Variants in MMP15 observed in about 807,000 individuals in gnomAD.
The protein encoded by MMP15 is matrix metallopeptidase 15, also known as matrix metalloproteinase-15.
MMP15 carries 36 observed loss-of-function variants against 65.0 expected under a neutral mutation model. The observed-to-expected ratio is 0.55, with a 90% CI of 0.42 to 0.73. The LOEUF (loss-of-function observed/expected upper bound fraction) is 0.73, where lower values mean the gene tolerates loss of function less well. MMP15 is among the 30% of genes least tolerant of loss of function. The probability of loss-of-function intolerance (pLI) is 0.00; values close to 1 mark genes in which losing one functional copy is unlikely to be tolerated. For synonymous variants in MMP15, 428 were observed against 410.2 expected (o/e 1.04, Z -0.52); for missense variants, 870 against 987.8 (o/e 0.88, Z 1.60).
chr16:58,028,429 G>A (rs1450973824), intron 1 of MMP15, among the ~76,000 whole-genome samples: 3 of 152,216 alleles, frequency 2.0e-5, no homozygotes, highest in African/African-American at 7.2e-5. Flanking sequence ...GAGACAGGTG[G>A]AGTGTCCCAG....
intron 1 of MMP15, among the ~76,000 whole-genome samples, chr16:58,034,505 C>T (rs1331917551): frequency 2.0e-5 from 3 of 152,178 alleles, no homozygotes; most frequent in Non-Finnish European, 4.4e-5. Context: ...TGCTGCCACC[C>T]GGGCAGATTT....
intron 1 of MMP15, among the ~76,000 whole-genome samples, chr16:58,032,416 G>T (rs896674066): frequency 1.3e-5 from 2 of 152,214 alleles, no homozygotes; most frequent in African/African-American, 4.8e-5. Context: ...GCTGTCCAGA[G>T]AGAGAATGGG....
intron 1 of MMP15, among the ~76,000 whole-genome samples, chr16:58,027,103 T>C (rs1225514576): frequency 1.3e-5 from 2 of 152,218 alleles, no homozygotes; most frequent in Non-Finnish European, 2.9e-5. Flanking sequence ...TTTGGCGACT[T>C]TCTGCGCTTT....
Position 58,045,105 on chromosome 16 carries a change from A to C in MMP15, c.1669A>C (p.Met557Leu). Reference protein sequence around the residue: ...GYPKSILRDFMGCQEHVEPGP... With the variant: ...GYPKSILRDFLGCQEHVEPGP... ...CCCCAAGTCCATCCTGCGGGACTTCATGGGCTGCCAGGAGCACGTGGAGCC... is the reference window on the plus strand; with the variant it reads ...CCCCAAGTCCATCCTGCGGGACTTCCTGGGCTGCCAGGAGCACGTGGAGCC... Residue 557 changes from methionine (M) to leucine (L), a missense_variant, in exon 10 of 10, where the codon ATG becomes CTG. Transcript: ENST00000219271. 1 of 1,610,696 alleles carries C rather than the reference A, an allele frequency of 6.2e-7. No individual in the cohort carries two copies. Among genetic ancestry groups the C allele is most frequent in the Non-Finnish European group, 8.5e-7 (1 of 1,178,688 alleles).
chr16:58,041,242 C>T (rs540261044), intron 5 of MMP15, among the ~76,000 whole-genome samples: 40 of 152,314 alleles, frequency 2.6e-4, no homozygotes, highest in African/African-American at 8.7e-4. Flanking sequence ...CAGCTCCTGC[C>T]GTGCTGGGCA....
chr16:58,033,124 A>G (rs1270547530), intron 1 of MMP15, among the ~76,000 whole-genome samples: 1 of 151,770 alleles, frequency 6.6e-6, no homozygotes, highest in East Asian at 1.9e-4. Context: ...TCTTACACCA[A>G]CCCTCTCAGC....
rs1361432581 is a variant in MMP15 at position 58,026,458 on chromosome 16, T to TCTGGGCTGC, written c.115_123dup (p.Cys39_Gly41dup). ...GACTGCTGCCGCTGCTCCTGGTGCT[T>TCTGGGCTGC]CTGGGCTGCCTGGGCCTTGGCGTAG... On this transcript the variant is annotated inframe_insertion, in exon 1 of 10. Coordinates refer to ENST00000219271, the MANE Select transcript of MMP15 (RefSeq NM_002428.4). The TCTGGGCTGC allele has an allele frequency of 1.5e-5, 21 of 1,443,894 alleles. No homozygotes were observed. The highest frequency in any genetic ancestry group is 1.8e-5 in the Non-Finnish European group (20 of 1,099,934). The allele number at this position is 1,443,894 out of a possible 1,614,324, so 89.4% of individuals were successfully genotyped here.
rs1963813027 is a variant in MMP15, at chr16:58,026,308, G to T, written c.-43G>T. 2 of 1,252,350 alleles carry T rather than the reference G, an allele frequency of 1.6e-6. No individual in the cohort carries two copies. Among genetic ancestry groups the T allele is most frequent in the Non-Finnish European group, 2.0e-6 (2 of 998,358 alleles). 77.6% of individuals were successfully genotyped at this position (1,252,350 alleles called of 1,614,324 possible). ...CGCAAGTTTCCAAGGCGCGTGCGAG[G>T]ATCCGGCGTGCAGTGTTCCGAGCTG... On this transcript the variant is annotated 5_prime_UTR_variant, in exon 1 of 10. Transcript: ENST00000219271.
chr16:58,026,804 C>T (rs1963823737), intron 1 of MMP15, among the ~76,000 whole-genome samples: 1 of 152,222 alleles, frequency 6.6e-6, no homozygotes, highest in Non-Finnish European at 1.5e-5. Context: ...GCCTGTGTCC[C>T]GGGAGCCGCT....
At chr16:58,041,507 G>C (rs1959452838) in intron 5 of MMP15, 110 bp from the exon 6 acceptor site, 6 of 1,234,306 alleles carry the variant, frequency 4.9e-6, no homozygotes, top group Middle Eastern at 2.0e-4. Flanking sequence ...GTCTGCTGTA[G>C]ATGGACAGGA....
In MMP15 at chr16:58,041,793, G is replaced by A. The variant is rs551256083; in HGVS notation, c.1087G>A (p.Asp363Asn). Residue 363 changes from aspartate (D) to asparagine (N), a missense_variant, in exon 6 of 10, where the codon GAC becomes AAC. Asp to Asn is a conservative substitution (Grantham distance 23). Transcript: ENST00000219271. ...PVQPRATERP[D>N]QYGPNICDGD... ...CCAGCCCCGAGCCACAGAGCGGCCC[G>A]ACCAGTATGGCCCCAACATCTGCGA... 53 of 1,612,232 alleles carry A rather than the reference G, an allele frequency of 3.3e-5. No individual in the cohort carries two copies. The East Asian group carries it at 7.6e-4, about 23-fold the overall frequency.
chr16:58,037,018 TG>T (rs1422537527), intron 1 of MMP15, among the ~76,000 whole-genome samples: 1 of 152,042 alleles, frequency 6.6e-6, no homozygotes, highest in Non-Finnish European at 1.5e-5. Flanking sequence ...TTAGATAAGG[TG>T]GTATTGAAAC....
chr16:58,040,133 C>T lies in MMP15; in HGVS notation c.699C>T (p.Thr233=). ...CTGGCCCCGGCCTAGGCGGGGACAC[C>T]CATTTTGACGCAGATGAGCCCTGGA... ...YFPGPGLGGD[T]HFDADEPWTF... The change falls in exon 4 of 10, where the codon ACC becomes ACT. Residue 233 remains threonine, a synonymous_variant. Transcript: ENST00000219271. 6.2e-7 allele frequency: 1 copy of T among 1,613,484 alleles called. No homozygotes were observed.
chr16:58,031,953 C>T (rs1430040303), intron 1 of MMP15, among the ~76,000 whole-genome samples: 2 of 149,510 alleles, frequency 1.3e-5, no homozygotes, highest in Non-Finnish European at 3.0e-5. Flanking sequence ...CTGCAACCTC[C>T]GCCTCCCAGG....
Position 58,042,181 on chromosome 16 carries a change from C to T in MMP15, c.1165-50C>T, listed in dbSNP as rs41503644. 3,324 of 1,577,970 alleles carry T rather than the reference C, an allele frequency of 2.1e-3. 12 individuals carry two copies. The highest frequency in any genetic ancestry group is 3.5e-3 in the South Asian group (301 of 86,018). ...GGTGGTTTGAGGATGGCACCTCTCC[C>T]GGCCAAGGCAGCTTGCCTGCGCTGC... On this transcript the variant is annotated intron_variant, in intron 6 of 9. Transcript: ENST00000219271.
chr16:58,026,668 C>T (rs1021055471), intron 1 of MMP15, among the ~76,000 whole-genome samples, 156 bp downstream of exon 1: 1 of 152,222 alleles, frequency 6.6e-6, no homozygotes, highest in South Asian at 2.1e-4. Flanking sequence ...TCTGCCCCTC[C>T]CCAGCTCGCC....
In MMP15 at chr16:58,043,358, C is replaced by T; in HGVS notation, c.1452C>T (p.Asp484=). 1.9e-6 allele frequency: 3 copies of T among 1,604,638 alleles called. No homozygotes were observed. The highest frequency in any genetic ancestry group is 2.6e-6 in the Non-Finnish European group (3 of 1,175,094). The change falls in exon 8 of 10, where the codon GAC becomes GAT. Residue 484 remains aspartate, a splice_region_variant and synonymous_variant. Coordinates refer to ENST00000219271, the MANE Select transcript of MMP15 (RefSeq NM_002428.4). ...PTGHTFFFQE[D]RYWRFNEETQ... ...GCCACACCTTCTTCTTCCAAGAGGACAGGTGAGCAGTGCGTCCCTCCCCTA... is the reference window on the plus strand; with the variant it reads ...GCCACACCTTCTTCTTCCAAGAGGATAGGTGAGCAGTGCGTCCCTCCCCTA...
Position 58,041,861 on chromosome 16 carries a change from C to T in MMP15, c.1155C>T (p.Phe385=), listed in dbSNP as rs200218091. 1.8e-5 allele frequency: 29 copies of T among 1,591,092 alleles called. No homozygotes were observed. The East Asian group carries it at 4.7e-4, about 26-fold the overall frequency. Residue 385 remains phenylalanine (F), a synonymous_variant, in exon 6 of 10, where the codon TTC becomes TTT. Coordinates refer to ENST00000219271, the MANE Select transcript of MMP15 (RefSeq NM_002428.4). ...DTVAMLRGEM[F]VFKGRWFWRV... ...TGGCCATGCTTCGCGGGGAGATGTT[C>T]GTGTTCAAGGTCTGGCCCCGCCTCC...
intron 9 of MMP15, 55 bp downstream of exon 9, chr16:58,043,682 C>A: frequency 7.6e-7 from 1 of 1,309,074 alleles, no homozygotes; most frequent in Non-Finnish European, 1.1e-6. Flanking sequence ...CTGCTACACA[C>A]ACCACAGGGC....
Sources: gnomAD v4.1 joint callset for allele counts (sites outside exome capture counted in the v4.1 genomes callset) on GRCh38, gnomAD v4.1.1 for gene constraint, MANE v1.5 for transcripts, NCBI Gene and HGNC (gene_info 2026-07-23, HGNC 2026-07-21) for gene names.